SPAG6: variants seen among roughly 807,000 people sequenced by gnomAD.
SPAG6 encodes sperm associated antigen 6.
Under a neutral mutation model 58.5 loss-of-function variants are expected in SPAG6, and 49 were observed. The ratio of observed to expected loss-of-function variants is 0.84; its 90% CI spans 0.67 to 1.06. The LOEUF is 1.06. Among genes scored for constraint, SPAG6 ranks in the 50% least tolerant of loss-of-function variants. The probability of loss-of-function intolerance (pLI) is 0.00; values close to 1 mark genes in which losing one functional copy is unlikely to be tolerated. For missense variants in SPAG6, 560 were observed against 611.3 expected (o/e 0.92, Z 0.89); for synonymous variants, 233 against 225.6 (o/e 1.03, Z -0.29).
chr10:22,361,785 A>T (rs933083939), intron 2 of SPAG6, among the ~76,000 whole-genome samples: 19 of 152,014 alleles, frequency 1.2e-4, no homozygotes, highest in Non-Finnish European at 2.2e-4. Flanking sequence ...AAAATTTTTT[A>T]AAATCAGGAG....
chr10:22,384,551 A>G (rs1834025853), intron 4 of SPAG6, among the ~76,000 whole-genome samples: 1 of 152,244 alleles, frequency 6.6e-6, no homozygotes, highest in Non-Finnish European at 1.5e-5. Context: ...GTTTGAAGCT[A>G]GGAGAACAAT....
At chr10:22,384,923 T>A (rs906164787) in intron 4 of SPAG6, among the ~76,000 whole-genome samples, 1 of 152,168 alleles carries the variant, frequency 6.6e-6, no homozygotes, top group Non-Finnish European at 1.5e-5. Flanking sequence ...GCATCTTGAG[T>A]TTTTGTTAAT....
chr10:22,381,100 T>C (rs1833943648), intron 4 of SPAG6, among the ~76,000 whole-genome samples: 1 of 152,150 alleles, frequency 6.6e-6, no homozygotes, highest in Non-Finnish European at 1.5e-5. Flanking sequence ...ATTCTCTGAA[T>C]TTTCTTACGT....
intron 10 of SPAG6, among the ~76,000 whole-genome samples, chr10:22,414,827 C>T (rs183315936): frequency 2.0e-5 from 3 of 152,188 alleles, no homozygotes; most frequent in Non-Finnish European, 4.4e-5. Flanking sequence ...AGTTCAATGG[C>T]GTGATCTCGG....
At chr10:22,380,884 A>C (rs927432142) in intron 4 of SPAG6, among the ~76,000 whole-genome samples, 11 of 152,106 alleles carry the variant, frequency 7.2e-5, no homozygotes, top group Non-Finnish European at 8.8e-5. Flanking sequence ...TTTTTTAATT[A>C]GTGTGCTGGA....
At chr10:22,397,973 G>A (rs1413038805) in intron 8 of SPAG6, among the ~76,000 whole-genome samples, 5 of 152,008 alleles carry the variant, frequency 3.3e-5, no homozygotes, top group Admixed American at 2.6e-4. Context: ...TGAAAAAGAA[G>A]AACTTAACAC....
At chr10:22,359,770 TA>T (rs1258882358) in intron 2 of SPAG6, among the ~76,000 whole-genome samples, 1 of 152,218 alleles carries the variant, frequency 6.6e-6, no homozygotes, top group Non-Finnish European at 1.5e-5. Context: ...TACTATGACA[TA>T]AGTGGACTGA....
At chr10:22,409,045 A>G (rs990896588) in intron 9 of SPAG6, among the ~76,000 whole-genome samples, 38 of 152,166 alleles carry the variant, frequency 2.5e-4, no homozygotes, top group Admixed American at 2.4e-3. Flanking sequence ...TAGTGAGATG[A>G]ACCTGGTACC....
In SPAG6 at chr10:22,386,950, T is replaced by G. The variant is rs1004278077; in HGVS notation, c.669T>G (p.Ala223=). Residue 223 remains alanine, a synonymous_variant, in exon 5 of 11, where the codon GCT becomes GCG. Transcript: ENST00000376624. ...HLAQMILNPD[A]KLKHQILSAL... ...CCCAGATGATCCTGAACCCTGATGCTAAATTGAAGGTATTTCAAAATAAGG... is the reference window on the plus strand; with the variant it reads ...CCCAGATGATCCTGAACCCTGATGCGAAATTGAAGGTATTTCAAAATAAGG... 4 of 1,612,422 alleles carry G rather than the reference T, an allele frequency of 2.5e-6. No individual in the cohort carries two copies. In the African/African-American group the frequency reaches 4.0e-5, roughly 16 times the overall value.
intron 4 of SPAG6, among the ~76,000 whole-genome samples, chr10:22,376,944 A>G (rs908513641): frequency 1.1e-4 from 16 of 151,796 alleles, no homozygotes; most frequent in African/African-American, 3.9e-4. Context: ...AGCTGAGTAT[A>G]GTGGTGTACA....
intron 8 of SPAG6, among the ~76,000 whole-genome samples, chr10:22,399,292 G>A (rs150922237): frequency 4.6e-5 from 7 of 152,266 alleles, no homozygotes; most frequent in African/African-American, 1.7e-4. Flanking sequence ...ATGCCCATTT[G>A]TAGTCACTCC....
intron 9 of SPAG6, among the ~76,000 whole-genome samples, chr10:22,401,695 G>A (rs11012984): frequency 0.046 from 7,030 of 152,300 alleles, 263 homozygotes; most frequent in Non-Finnish European, 0.078. Flanking sequence ...GATGTTCTCA[G>A]ACAGTCATTT....
intron 10 of SPAG6, 38 bp downstream of exon 10, chr10:22,411,214 T>C: frequency 6.4e-7 from 1 of 1,557,574 alleles, no homozygotes. Context: ...AATATTAGAA[T>C]GTAGTTTTTC....
chr10:22,412,959 A>G (rs1175219848), intron 10 of SPAG6: 1 of 151,980 alleles, frequency 6.6e-6, no homozygotes, highest in African/African-American at 2.4e-5. Context: ...GAAGAAAACA[A>G]AATTAATTTT....
At chr10:22,346,843 A>G (rs977136401) in intron 2 of SPAG6, among the ~76,000 whole-genome samples, 1 of 152,138 alleles carries the variant, frequency 6.6e-6, no homozygotes, top group African/African-American at 2.4e-5. Context: ...TATATTTTAT[A>G]ATCTTCTAAA....
chr10:22,362,679 A>G (rs940161989), intron 2 of SPAG6, among the ~76,000 whole-genome samples: 7 of 152,064 alleles, frequency 4.6e-5, no homozygotes, highest in African/African-American at 1.2e-4. Flanking sequence ...GCAGTGAGCC[A>G]TGATTGCACC....
chr10:22,407,790 T>G (rs926606188), intron 9 of SPAG6, among the ~76,000 whole-genome samples: 10 of 152,206 alleles, frequency 6.6e-5, no homozygotes, highest in South Asian at 2.1e-4. Context: ...AGACGTAGAT[T>G]TGGTCTTTTC....
intron 4 of SPAG6, among the ~76,000 whole-genome samples, chr10:22,373,011 G>A (rs1833736146): frequency 6.6e-6 from 1 of 152,168 alleles, no homozygotes; most frequent in Non-Finnish European, 1.5e-5. Context: ...GGAGGAATGT[G>A]TACAAGATCT....
chr10:22,377,604 T>C (rs1833848355), intron 4 of SPAG6, among the ~76,000 whole-genome samples: 1 of 152,188 alleles, frequency 6.6e-6, no homozygotes, highest in Admixed American at 6.5e-5. Flanking sequence ...GTTAAAAATG[T>C]TGGGTTAGCT....
Sources: allele counts gnomAD v4.1 joint callset (sites outside exome capture counted in the v4.1 genomes callset), GRCh38; gene constraint gnomAD v4.1.1; transcripts MANE v1.5; gene names NCBI Gene and HGNC (gene_info 2026-07-23, HGNC 2026-07-21).